Variants in SLC30A6 observed in about 807,000 individuals in gnomAD.
The protein encoded by SLC30A6 is zinc transporter 6.
In SLC30A6, 55 loss-of-function variants were observed where a neutral mutation model predicts 63.0. That is an observed-to-expected ratio of 0.87 (90% CI 0.70 to 1.09). The LOEUF (loss-of-function observed/expected upper bound fraction) is 1.09, where lower values mean the gene tolerates loss of function less well. Among genes scored for constraint, SLC30A6 ranks in the 50% least tolerant of loss-of-function variants. The pLI, the probability that SLC30A6 is intolerant of heterozygous loss-of-function variation, is 0.00. For missense variants in SLC30A6, 587 were observed against 549.2 expected, an observed-to-expected ratio of 1.07 and a Z score of -0.69; for synonymous variants, 224 against 186.1, an observed-to-expected ratio of 1.20 and a Z score of -1.66.
At chr2:32,175,921 C>T (rs186434462) in intron 4 of SLC30A6, among the ~76,000 whole-genome samples, 35 of 152,032 alleles carry the variant, frequency 2.3e-4, no homozygotes, top group African/African-American at 7.7e-4. Context: ...TGCAGTGAGC[C>T]GAGATTGTGC....
At chr2:32,218,918 A>G (rs964946250) in intron 13 of SLC30A6, among the ~76,000 whole-genome samples, 1 of 152,142 alleles carries the variant, frequency 6.6e-6, no homozygotes, top group African/African-American at 2.4e-5. Context: ...CCAGTCATCT[A>G]TACCTACAAT....
At chr2:32,201,618 T>C in intron 10 of SLC30A6, 2 of 1,512,042 alleles carry the variant, frequency 1.3e-6, no homozygotes, top group South Asian at 1.2e-5. Context: ...GAAACTCCTC[T>C]GGGGGTACAT....
At position 32,169,463 on chromosome 2, in the gene SLC30A6, C is replaced by CACCAT. The variant is rs553762773; in HGVS notation, c.4-1823_4-1819dup. ...AAGTGGTGGAATTACAGGCATGAGCCACCATGGCCAGCCAAGAAAAAGATA... is the reference window on the plus strand; with the variant it reads ...AAGTGGTGGAATTACAGGCATGAGCCACCATACCATGGCCAGCCAAGAAAAAGATA... On this transcript the variant is annotated intron_variant, in intron 1 of 13. Transcript: ENST00000282587. 4.4e-3 allele frequency among the ~76,000 whole-genome samples: 676 copies of CACCAT among 152,282 alleles called. 3 individuals are homozygous for CACCAT. The highest frequency in any genetic ancestry group is 0.015 in the African/African-American group (643 of 41,568).
chr2:32,186,317 A>G (rs994081827), intron 5 of SLC30A6, among the ~76,000 whole-genome samples: 1 of 152,234 alleles, frequency 6.6e-6, no homozygotes, highest in Non-Finnish European at 1.5e-5. Flanking sequence ...GAGTTGCATT[A>G]TCACTATGAT....
In SLC30A6 at chr2:32,221,385, C is replaced by T. The variant is rs1686137183; in HGVS notation, c.*672C>T. 1 of 152,558 alleles carries T rather than the reference C, an allele frequency of 6.6e-6. No individual in the cohort carries two copies. Among genetic ancestry groups the T allele is most frequent in the Admixed American group, 6.5e-5 (1 of 15,298 alleles). The allele number at this position is 152,558 out of a possible 1,614,324, so 9.5% of individuals were successfully genotyped here. A position where few individuals can be genotyped will look rare whatever the true frequency, so the allele number is the denominator to read the frequency against. On this transcript the variant is annotated 3_prime_UTR_variant, in exon 14 of 14. Transcript: ENST00000282587. ...CCATGTTGGCCAGGCTGGTCTTGAACTCCTGACCTCATGATCCACCCACCT... is the reference window on the plus strand; with the variant it reads ...CCATGTTGGCCAGGCTGGTCTTGAATTCCTGACCTCATGATCCACCCACCT...
chr2:32,166,304 GAA>G (rs11343460), intron 1 of SLC30A6, among the ~76,000 whole-genome samples: 82 of 146,278 alleles, frequency 5.6e-4, no homozygotes, highest in East Asian at 9.9e-4. Context: ...AACGCCAGCG[GAA>G]AAAAAAAAAA....
intron 10 of SLC30A6, among the ~76,000 whole-genome samples, chr2:32,199,320 T>C (rs1386487641): frequency 6.6e-6 from 1 of 152,206 alleles, no homozygotes; most frequent in Admixed American, 6.5e-5. Flanking sequence ...TGTACAAATA[T>C]CTGAGTCCTT....
At chr2:32,176,892 C>T (rs946657029) in intron 4 of SLC30A6, among the ~76,000 whole-genome samples, 4 of 151,838 alleles carry the variant, frequency 2.6e-5, no homozygotes, top group Non-Finnish European at 4.4e-5. Context: ...CTTGCCTCAG[C>T]CTCCCAAGTA....
At chr2:32,201,974 CTCA>C in intron 10 of SLC30A6, 1 of 1,382,408 alleles carries the variant, frequency 7.2e-7, no homozygotes, top group Non-Finnish European at 1.0e-6. Flanking sequence ...TTCTCTAAAT[CTCA>C]TAAGTCAAGA....
In SLC30A6 at chr2:32,204,677, G is replaced by A. The variant is rs761001627; in HGVS notation, c.753G>A (p.Gly251=). 1.9e-6 allele frequency: 3 copies of A among 1,606,516 alleles called. No homozygotes were observed. The highest frequency in any genetic ancestry group is 2.2e-5 in the East Asian group (1 of 44,770). Residue 251 remains glycine (G), a synonymous_variant, in exon 11 of 14, where the codon GGG becomes GGA. Transcript: ENST00000282587. The stretch of plus-strand genomic sequence containing the variant: ...TGTATCCCATGAGTGTGTACAGTGG[G>A]AAAGTCTTACTCCAGGTAAGGTGCT... ...GTMYPMSVYS[G]KVLLQTTPPH...
intron 8 of SLC30A6, among the ~76,000 whole-genome samples, chr2:32,196,080 C>T (rs952777944): frequency 6.6e-6 from 1 of 152,086 alleles, no homozygotes; most frequent in Non-Finnish European, 1.5e-5. Flanking sequence ...TTTGGGAGAC[C>T]AAGTCAGGCG....
Position 32,204,702 on chromosome 2 carries a change from T to G in SLC30A6, c.768+10T>G, listed in dbSNP as rs765059500. ...GAAAGTCTTACTCCAGGTAAGGTGC[T>G]TCTTCCAATGCACGTGCTTAATATT... On this transcript the variant is annotated intron_variant, in intron 11 of 13. Transcript: ENST00000282587. 4 of 1,555,184 alleles carry G rather than the reference T, an allele frequency of 2.6e-6. No individual in the cohort carries two copies. Among genetic ancestry groups the G allele is most frequent in the Non-Finnish European group, 3.5e-6 (4 of 1,132,780 alleles).
At chr2:32,186,461 G>A (rs1302472099) in intron 5 of SLC30A6, among the ~76,000 whole-genome samples, 2 of 152,314 alleles carry the variant, frequency 1.3e-5, no homozygotes, top group South Asian at 2.1e-4. Flanking sequence ...CAAGGTGGGT[G>A]GATCACCTGA....
intron 4 of SLC30A6, among the ~76,000 whole-genome samples, chr2:32,183,078 T>G (rs577745749): frequency 4.0e-5 from 6 of 151,890 alleles, no homozygotes; most frequent in African/African-American, 1.4e-4. Context: ...TCCCAGCTAC[T>G]CAGGAGGCTG....
chr2:32,165,927 G>T (rs1483098113), intron 1 of SLC30A6, 24 bp downstream of exon 1: 4 of 1,614,140 alleles, frequency 2.5e-6, no homozygotes, highest in Non-Finnish European at 3.4e-6. Context: ...TGGGGTGAGG[G>T]TTTCGGCTGT....
intron 5 of SLC30A6, chr2:32,187,038 CG>C: frequency 6.0e-6 from 2 of 334,542 alleles, no homozygotes; most frequent in Non-Finnish European, 1.2e-5. Context: ...AAAATGAGTT[CG>C]GGGGAAAAAA....
At chr2:32,194,309 GA>G (rs1683588860) in intron 8 of SLC30A6, among the ~76,000 whole-genome samples, 1 of 152,170 alleles carries the variant, frequency 6.6e-6, no homozygotes, top group Non-Finnish European at 1.5e-5. Flanking sequence ...AAGCATTTTA[GA>G]AGTATCAGTA....
intron 10 of SLC30A6, chr2:32,202,315 A>C: frequency 2.4e-6 from 1 of 416,720 alleles, no homozygotes; most frequent in South Asian, 2.7e-5. Context: ...GACTCCAAAG[A>C]GATCAAGAAA....
intron 4 of SLC30A6, among the ~76,000 whole-genome samples, chr2:32,181,963 A>T (rs1214998903): frequency 8.2e-5 from 10 of 122,198 alleles, no homozygotes; most frequent in Admixed American, 3.8e-4. Context: ...GAGACAGGGT[A>T]TTACTCTGTC....
Sources: allele counts gnomAD v4.1 joint callset (sites outside exome capture counted in the v4.1 genomes callset), GRCh38; gene constraint gnomAD v4.1.1; transcripts MANE v1.5; gene names NCBI Gene and HGNC (gene_info 2026-07-23, HGNC 2026-07-21).